Variants in TTLL8 observed in about 807,000 individuals in gnomAD.
The protein encoded by TTLL8 is tubulin tyrosine ligase like 8, also known as protein monoglycylase TTLL8.
In TTLL8, 65 loss-of-function variants were observed where a neutral mutation model predicts 77.8. The ratio of observed to expected loss-of-function variants is 0.84; its 90% CI spans 0.68 to 1.03. The LOEUF is 1.03. Among genes scored for constraint, TTLL8 ranks in the 50% least tolerant of loss-of-function variants. The probability of loss-of-function intolerance (pLI) is 0.00; values close to 1 mark genes in which losing one functional copy is unlikely to be tolerated. For synonymous variants in TTLL8, 402 were observed against 422.8 expected, an observed-to-expected ratio of 0.95 and a Z score of 0.60; for missense variants, 910 against 1,004.5, an observed-to-expected ratio of 0.91 and a Z score of 1.27.
At position 50,021,928 on chromosome 22, in the gene TTLL8, C is replaced by A. The variant is rs1368379481; in HGVS notation, c.2204-5366G>T. ...CCATCTGATGATGTGTACTCCTCCACCTGACATGCAGTCCTCCATCTGACG... is the reference window on the plus strand; with the variant it reads ...CCATCTGATGATGTGTACTCCTCCAACTGACATGCAGTCCTCCATCTGACG... On this transcript the variant is annotated intron_variant, in intron 12 of 13. Coordinates refer to ENST00000266182, the Ensembl canonical transcript of TTLL8. Among the ~76,000 whole-genome samples the A allele has an allele frequency of 1.7e-4, 12 of 70,950 alleles. No homozygotes were observed. In the East Asian group the frequency reaches 3.6e-3, roughly 21 times the overall value. The allele number at this position is 70,950 out of a possible 152,430, so 46.5% of individuals were successfully genotyped here.
At chr22:50,024,889 A>AG (rs1167854587) in intron 12 of TTLL8, among the ~76,000 whole-genome samples, 1 of 152,196 alleles carries the variant, frequency 6.6e-6, no homozygotes, top group Non-Finnish European at 1.5e-5. Context: ...TTCAGATTAC[A>AG]GGGGCTGCTT....
At chr22:50,033,374 T>G in exon 10 of TTLL8, 1 of 1,365,430 alleles carries the variant, frequency 7.3e-7, no homozygotes, top group Non-Finnish European at 9.8e-7. Context: ...ACCCACTTGT[T>G]GTCCCTGGAA....
At chr22:50,019,345 T>C (rs2061182223) in intron 12 of TTLL8, among the ~76,000 whole-genome samples, 1 of 152,218 alleles carries the variant, frequency 6.6e-6, no homozygotes, top group African/African-American at 2.4e-5. Flanking sequence ...TGGTAGGTAC[T>C]GTGGTCATCA....
intron 4 of TTLL8, among the ~76,000 whole-genome samples, chr22:50,046,698 CCCCTCCCTCAGCAGGGTCCCCACA>C (rs1358417350): frequency 6.6e-6 from 1 of 152,232 alleles, no homozygotes; most frequent in Non-Finnish European, 1.5e-5. Context: ...TCTTCCGGGA[CCCCTCCCTCAGCAGGGTCCCCACA>C]CCCTGCGTCC....
At chr22:50,043,346 T>C (rs1449951826) in intron 6 of TTLL8, among the ~76,000 whole-genome samples, 3 of 146,434 alleles carry the variant, frequency 2.0e-5, no homozygotes, top group Non-Finnish European at 4.5e-5. Flanking sequence ...TAAACAGTGG[T>C]ACCGAGACAC....
At chr22:50,051,141 C>T (rs545280125) in intron 1 of TTLL8, among the ~76,000 whole-genome samples, 4 of 152,352 alleles carry the variant, frequency 2.6e-5, no homozygotes, top group South Asian at 2.1e-4. Context: ...GGATTACAGG[C>T]GTGAGCCACC....
intron 6 of TTLL8, among the ~76,000 whole-genome samples, chr22:50,042,528 A>C (rs1159262792): frequency 6.6e-6 from 1 of 152,240 alleles, no homozygotes; most frequent in Non-Finnish European, 1.5e-5. Flanking sequence ...CAAAAAATAT[A>C]TACAGATGGA....
intron 2 of TTLL8, 148 bp from the exon 5 acceptor site, chr22:50,049,470 C>T (rs2061431674): frequency 3.6e-6 from 3 of 822,124 alleles, no homozygotes; most frequent in Non-Finnish European, 5.2e-6. Context: ...GAGCAGGAGC[C>T]TCTGTGGGTC....
intron 12 of TTLL8, among the ~76,000 whole-genome samples, chr22:50,019,574 C>T (rs1158260939): frequency 2.0e-5 from 3 of 151,544 alleles, no homozygotes; most frequent in Non-Finnish European, 3.0e-5. Flanking sequence ...GGACACTCAG[C>T]CCTGTGGAAG....
intron 12 of TTLL8, chr22:50,027,811 C>T (rs1233996794): frequency 3.6e-5 from 35 of 985,334 alleles, no homozygotes; most frequent in Non-Finnish European, 4.0e-5. Context: ...ATGGAGCTGG[C>T]CTGAGCCCAG....
Position 50,028,818 on chromosome 22 carries a change from AC to A in TTLL8, c.2203+1611del, listed in dbSNP as rs774735139. Among the ~76,000 whole-genome samples, 35 of 15,060 alleles carry A rather than the reference AC, an allele frequency of 2.3e-3. 3 individuals are homozygous for A. Among genetic ancestry groups the A allele is most frequent in the Admixed American group, 0.015 (22 of 1,512 alleles). The allele number at this position is 15,060 out of a possible 152,430, so 9.9% of individuals were successfully genotyped here. ...GAAGACCCCACACACCCTCGTAAAG[AC>A]CCCCATCACGCTGTCCTAAAGACCC... is the stretch of plus-strand genomic sequence containing the variant. On this transcript the variant is annotated intron_variant, in intron 12 of 13. Transcript: ENST00000266182.
upstream of TTLL8, among the ~76,000 whole-genome samples, chr22:50,054,862 AG>A (rs2061462704): frequency 6.6e-6 from 1 of 152,348 alleles, no homozygotes; most frequent in African/African-American, 2.4e-5. Flanking sequence ...GTTCGAGACC[AG>A]CCTGGCCAAC....
intron 1 of TTLL8, among the ~76,000 whole-genome samples, chr22:50,052,942 C>T (rs879381271): frequency 2.0e-4 from 30 of 152,140 alleles, no homozygotes; most frequent in African/African-American, 6.0e-4. Context: ...CTCACTCTGG[C>T]GGAGCACGGT....
In TTLL8 at chr22:50,037,477, G is replaced by A. The variant is rs372009835; in HGVS notation, c.922-3015C>T. On this transcript the variant is annotated intron_variant, in intron 8 of 13. Coordinates refer to ENST00000266182, the Ensembl canonical transcript of TTLL8. ...GCCTCGGCCTAGTGCTGGGATTACA[G>A]GCGTGAGCCACCACGCCCGGCCCAA... is the stretch of plus-strand genomic sequence containing the variant. Among the ~76,000 whole-genome samples, 7 of 152,342 alleles carry A rather than the reference G, an allele frequency of 4.6e-5. 1 individual carries two copies. The highest frequency in any genetic ancestry group is 1.7e-4 in the African/African-American group (7 of 41,582).
At chr22:50,057,410 C>A (rs1014184145), upstream of TTLL8, among the ~76,000 whole-genome samples, 2 of 3,534 alleles carry the variant, frequency 5.7e-4, no homozygotes, top group African/African-American at 1.6e-3. Context: ...CTGGGTTGGG[C>A]GGGAGGTCTG....
rs115120621 is a variant in TTLL8, at chr22:50,049,361, T to C, written c.191-39A>G. Reference sequence around the variant, plus strand: ...ACAGGGGAGGCCTGAACATGAAGCCTCAGCCAGACTTCCCGCACCGGGTCC... The same window carrying C: ...ACAGGGGAGGCCTGAACATGAAGCCCCAGCCAGACTTCCCGCACCGGGTCC... On this transcript the variant is annotated intron_variant, in intron 2 of 13. Coordinates refer to ENST00000266182, the Ensembl canonical transcript of TTLL8. 480 of 1,366,412 alleles carry C rather than the reference T, an allele frequency of 3.5e-4. 1 individual carries two copies. In the African/African-American group the frequency reaches 6.7e-3, roughly 19 times the overall value. The allele number at this position is 1,366,412 out of a possible 1,614,324, so 84.6% of individuals were successfully genotyped here.
At position 50,041,630 on chromosome 22, in the gene TTLL8, G is replaced by A. The variant is rs751926511; in HGVS notation, c.821C>T (p.Ser274Phe). 4.8e-5 allele frequency: 65 copies of A among 1,362,994 alleles called. No individual in the cohort carries two copies. The highest frequency in any genetic ancestry group is 5.6e-5 in the Non-Finnish European group (57 of 1,019,984). The allele number at this position is 1,362,994 out of a possible 1,614,324, so 84.4% of individuals were successfully genotyped here. ...CCTGCGTAAGTCTTACTGAACGAGGGAGTAGTACTGCTGGGTCAGGTCCTC... is the reference window on the plus strand; with the variant it reads ...CCTGCGTAAGTCTTACTGAACGAGGAAGTAGTACTGCTGGGTCAGGTCCTC... The change falls in exon 7 of 14, where the codon TCC becomes TTC. Residue 274 changes from serine (S) to phenylalanine (F), a missense_variant. Physicochemically the swap from Ser to Phe is radical, Grantham distance 155 (BLOSUM62 -2). This residue lies in a region of TTLL8 where 776 missense variants were observed against 926.1 expected (regional missense o/e 0.84). Transcript: ENST00000266182. The surrounding 1 kb of genome is among the most constrained non-coding windows in gnomAD (Gnocchi z 4.3).
At chr22:50,043,262 G>A (rs2061384174) in intron 6 of TTLL8, among the ~76,000 whole-genome samples, 1 of 151,466 alleles carries the variant, frequency 6.6e-6, no homozygotes. Context: ...CAGTGGTGCC[G>A]AGACGTCCTT....
At position 50,036,155 on chromosome 22, in the gene TTLL8, G is replaced by T. The variant is rs561086714; in HGVS notation, c.922-1693C>A. Among the ~76,000 whole-genome samples, 130 of 152,342 alleles carry T rather than the reference G, an allele frequency of 8.5e-4. 2 individuals are homozygous for T. The highest frequency in any genetic ancestry group is 8.0e-3 in the Admixed American group (122 of 15,306). ...TGACCCCAGGGCACACCTGCCAGGGGTCCCAGCTGAGCCCAGCAGGTGAGG... is the reference window on the plus strand; with the variant it reads ...TGACCCCAGGGCACACCTGCCAGGGTTCCCAGCTGAGCCCAGCAGGTGAGG... On this transcript the variant is annotated intron_variant, in intron 8 of 13. Transcript: ENST00000266182.
Sources: gnomAD v4.1 joint callset for allele counts (sites outside exome capture counted in the v4.1 genomes callset) on GRCh38, gnomAD v4.1.1 for gene constraint, gnomAD v4.1.1 regional missense constraint, Gnocchi (gnomAD v3.1) non-coding constraint, MANE v1.5 for transcripts, NCBI Gene and HGNC (gene_info 2026-07-23, HGNC 2026-07-21) for gene names.